RCOR1: variants seen among roughly 807,000 people sequenced by gnomAD.
RCOR1 encodes REST corepressor.
A neutral mutation model predicts 64.0 loss-of-function variants in RCOR1; 12 were observed. That is an observed-to-expected ratio of 0.19 (90% confidence interval 0.12 to 0.30). The LOEUF (loss-of-function observed/expected upper bound fraction) is 0.30. RCOR1 is among the 10% of genes least tolerant of loss of function. The pLI, the probability that RCOR1 is intolerant of heterozygous loss-of-function variation, is 1.00. For missense variants in RCOR1, 502 were observed against 621.2 expected (o/e 0.81, Z 2.04); for synonymous variants, 279 against 227.2 (o/e 1.23, Z -2.05).
intron 2 of RCOR1, among the ~76,000 whole-genome samples, chr14:102,623,448 G>A (rs913770899): frequency 1.3e-5 from 2 of 149,614 alleles, no homozygotes; most frequent in Non-Finnish European, 3.0e-5. Context: ...TCGCTCTGTC[G>A]CCCAGGCTGG....
chr14:102,691,401 C>T (rs1432289180), intron 3 of RCOR1, among the ~76,000 whole-genome samples: 4 of 152,134 alleles, frequency 2.6e-5, no homozygotes, highest in African/African-American at 4.8e-5. Context: ...CAGCATCACG[C>T]AGTGTGTCTT....
At chr14:102,691,603 T>A (rs1427186457) in intron 3 of RCOR1, among the ~76,000 whole-genome samples, 1 of 152,220 alleles carries the variant, frequency 6.6e-6, no homozygotes, top group African/African-American at 2.4e-5. Context: ...AAATGAGTCT[T>A]TTGAGTGTGT....
intron 3 of RCOR1, among the ~76,000 whole-genome samples, chr14:102,691,390 T>C (rs1895530557): frequency 6.6e-6 from 1 of 152,038 alleles, no homozygotes; most frequent in African/African-American, 2.4e-5. Flanking sequence ...ACCCCAGACC[T>C]CAGCATCACG....
chr14:102,592,806 CGCGCCCCCTCCCCCGTCTCG>C lies in RCOR1; in HGVS notation c.-69_-50del. ...CGCCCGCCCGGCCCCGCGCCGGCCC[CGCGCCCCCTCCCCCGTCTCG>C]GCGCCCCCTCCTCAGGAGCCGCGGG... is the stretch of plus-strand genomic sequence containing the variant. On this transcript the variant is annotated 5_prime_UTR_variant, in exon 1 of 12. Transcript: ENST00000262241. 8.5e-7 allele frequency: 1 copy of C among 1,177,886 alleles called. No individual in the cohort carries two copies. The highest frequency in any genetic ancestry group is 1.0e-6 in the Non-Finnish European group (1 of 953,444). The allele number at this position is 1,177,886 out of a possible 1,614,324, so 73.0% of individuals were successfully genotyped here.
chr14:102,716,091 A>T (rs1159210933), intron 8 of RCOR1, among the ~76,000 whole-genome samples: 1 of 152,170 alleles, frequency 6.6e-6, no homozygotes, highest in East Asian at 1.9e-4. Flanking sequence ...AGCCCTTCTG[A>T]TGGGTTATAA....
intron 3 of RCOR1, among the ~76,000 whole-genome samples, chr14:102,684,635 G>GATAT (rs1424290647): frequency 6.6e-6 from 1 of 152,074 alleles, no homozygotes; most frequent in Admixed American, 6.6e-5. Flanking sequence ...AAAGTTCATA[G>GATAT]ATAAAAGTAT....
At chr14:102,705,006 G>A (rs2058330525) in intron 4 of RCOR1, among the ~76,000 whole-genome samples, 1 of 152,058 alleles carries the variant, frequency 6.6e-6, no homozygotes, top group African/African-American at 2.4e-5. Flanking sequence ...TGTGCCTGTA[G>A]TCTCAATTAC....
At chr14:102,607,922 G>A (rs181613420) in intron 2 of RCOR1, among the ~76,000 whole-genome samples, 118 of 152,066 alleles carry the variant, frequency 7.8e-4, no homozygotes, top group Middle Eastern at 3.4e-3. Flanking sequence ...CAGGTGTGGC[G>A]GTGCACGCCT....
At chr14:102,599,158 G>T (rs1028444836) in intron 2 of RCOR1, among the ~76,000 whole-genome samples, 3 of 151,228 alleles carry the variant, frequency 2.0e-5, no homozygotes, top group Non-Finnish European at 4.4e-5. Context: ...TTGAGATAGG[G>T]TCACACTCTG....
At chr14:102,628,074 A>G (rs988483803) in intron 2 of RCOR1, among the ~76,000 whole-genome samples, 3 of 152,074 alleles carry the variant, frequency 2.0e-5, no homozygotes, top group African/African-American at 7.2e-5. Context: ...GGTAAGTTCC[A>G]GTTCAAGTCC....
chr14:102,655,434 T>C, intron 2 of RCOR1: 1 of 984,872 alleles, frequency 1.0e-6, no homozygotes, highest in Non-Finnish European at 1.2e-6. Context: ...CTATGGCATG[T>C]TTTATAATTT....
intron 3 of RCOR1, among the ~76,000 whole-genome samples, chr14:102,690,243 A>G (rs528462668): frequency 6.6e-6 from 1 of 152,336 alleles, no homozygotes; most frequent in South Asian, 2.1e-4. Flanking sequence ...GACTTACTAT[A>G]TTGTACATGA....
chr14:102,673,183 C>A (rs759696415), intron 2 of RCOR1, among the ~76,000 whole-genome samples: 2 of 152,062 alleles, frequency 1.3e-5, no homozygotes, highest in African/African-American at 2.4e-5. Flanking sequence ...ACTAATAGTA[C>A]CAATTTTATG....
At chr14:102,693,693 T>C (rs1895585789) in intron 3 of RCOR1, among the ~76,000 whole-genome samples, 2 of 152,194 alleles carry the variant, frequency 1.3e-5, no homozygotes, top group Non-Finnish European at 2.9e-5. Context: ...TCATCTTTAA[T>C]GGACAGAATC....
chr14:102,696,808 C>CTTTTTTTTTTTT (rs71305075), intron 3 of RCOR1, among the ~76,000 whole-genome samples: 2 of 57,400 alleles, frequency 3.5e-5, no homozygotes, highest in Admixed American at 1.7e-4. Flanking sequence ...ATCTGCTTAT[C>CTTTTTTTTTTTT]TTTTTTTTTT....
At chr14:102,697,044 A>G (rs1419937470) in intron 3 of RCOR1, among the ~76,000 whole-genome samples, 1 of 152,148 alleles carries the variant, frequency 6.6e-6, no homozygotes, top group African/African-American at 2.4e-5. Flanking sequence ...GCAGCTATGC[A>G]TGTCCCTTGA....
chr14:102,662,723 T>C, intron 2 of RCOR1: 1 of 421,330 alleles, frequency 2.4e-6, no homozygotes, highest in Non-Finnish European at 4.5e-6. Flanking sequence ...TGAAAAGGGC[T>C]CTGCAGCTTT....
chr14:102,618,097 C>T (rs1488071711), intron 2 of RCOR1, among the ~76,000 whole-genome samples: 3 of 151,598 alleles, frequency 2.0e-5, no homozygotes, highest in Admixed American at 6.6e-5. Context: ...CCTCAGCCTC[C>T]TGAGTAGCTG....
chr14:102,654,608 TG>T (rs1894683122), intron 2 of RCOR1, among the ~76,000 whole-genome samples: 1 of 151,998 alleles, frequency 6.6e-6, no homozygotes, highest in Non-Finnish European at 1.5e-5. Flanking sequence ...AGCTGACACC[TG>T]TAATACCAGC....
Sources: gnomAD v4.1 joint callset for allele counts (sites outside exome capture counted in the v4.1 genomes callset) on GRCh38, gnomAD v4.1.1 for gene constraint, MANE v1.5 for transcripts, NCBI Gene and HGNC (gene_info 2026-07-23, HGNC 2026-07-21) for gene names.